RGS7: variants seen among roughly 807,000 people sequenced by gnomAD.
RGS7 encodes the protein regulator of G protein signaling 7, also known as regulator of G-protein signaling 7.
A neutral mutation model predicts 81.1 loss-of-function variants in RGS7; 27 were observed. The observed-to-expected ratio is 0.33, with a 90% CI of 0.25 to 0.46. The LOEUF (loss-of-function observed/expected upper bound fraction) is 0.46, where lower values mean the gene tolerates loss of function less well. Ranked by LOEUF, RGS7 falls within the 20% of genes least tolerant of loss-of-function variation. The pLI, the probability that RGS7 is intolerant of heterozygous loss-of-function variation, is 1.00. For synonymous variants in RGS7, 208 were observed against 207.7 expected (o/e 1.00, Z -0.01); for missense variants, 396 against 607.4 (o/e 0.65, Z 3.66).
chr1:240,931,703 A>G (rs2148348558), intron 5 of RGS7, among the ~76,000 whole-genome samples: 1 of 152,286 alleles, frequency 6.6e-6, no homozygotes, highest in Admixed American at 6.5e-5. Context: ...TTTTTAAAGG[A>G]ATAGTGTCTT....
intron 18 of RGS7, among the ~76,000 whole-genome samples, chr1:240,784,570 C>T (rs974348593): frequency 6.6e-6 from 1 of 151,522 alleles, no homozygotes; most frequent in African/African-American, 2.4e-5. Flanking sequence ...GGCGTGAACC[C>T]GGGAGGCGGA....
At chr1:241,292,225 A>G (rs546278016) in intron 2 of RGS7, among the ~76,000 whole-genome samples, 67 of 152,346 alleles carry the variant, frequency 4.4e-4, no homozygotes, top group Non-Finnish European at 8.1e-4. Flanking sequence ...TTCTACTTAC[A>G]TAAGTAAAAA....
chr1:241,106,782 A>ACACACACACACACACACACACG (rs2065146899), intron 2 of RGS7, among the ~76,000 whole-genome samples: 1 of 149,682 alleles, frequency 6.7e-6, no homozygotes, highest in African/African-American at 2.5e-5. Context: ...ACACACACAC[A>ACACACACACACACACACACACG]CGATAACATA....
intron 9 of RGS7, among the ~76,000 whole-genome samples, chr1:240,845,550 G>A (rs1379033530): frequency 1.3e-5 from 2 of 152,118 alleles, no homozygotes; most frequent in Non-Finnish European, 1.5e-5. Flanking sequence ...CATCATTAGG[G>A]ATTTGACTCT....
At chr1:240,816,284 A>G (rs1295580750) in intron 11 of RGS7, 33 bp downstream of exon 11, 1 of 1,369,966 alleles carries the variant, frequency 7.3e-7, no homozygotes, top group South Asian at 1.2e-5. Flanking sequence ...TACTCTGTAA[A>G]CCTTTAACAG....
intron 3 of RGS7, among the ~76,000 whole-genome samples, chr1:241,055,514 T>C (rs1199128112): frequency 6.6e-6 from 1 of 151,840 alleles, no homozygotes; most frequent in African/African-American, 2.4e-5. Context: ...GGAAACACTT[T>C]CACTTATGGT....
chr1:241,243,110 C>T (rs537585688), intron 2 of RGS7, among the ~76,000 whole-genome samples: 5 of 152,260 alleles, frequency 3.3e-5, no homozygotes, highest in South Asian at 2.1e-4. Context: ...TTCTCTAGAA[C>T]GTGAATTAAC....
At chr1:241,178,170 T>G (rs1016466963) in intron 2 of RGS7, among the ~76,000 whole-genome samples, 1 of 152,042 alleles carries the variant, frequency 6.6e-6, no homozygotes, top group Non-Finnish European at 1.5e-5. Flanking sequence ...CAGGCATCTG[T>G]AGTCCCAGCT....
At chr1:240,846,771 T>G (rs1300255964) in intron 9 of RGS7, among the ~76,000 whole-genome samples, 2 of 152,176 alleles carry the variant, frequency 1.3e-5, no homozygotes, top group Non-Finnish European at 2.9e-5. Context: ...ACATGAGGTT[T>G]TGACATGGGG....
chr1:241,208,417 C>T (rs2074052854), intron 2 of RGS7, among the ~76,000 whole-genome samples: 1 of 152,092 alleles, frequency 6.6e-6, no homozygotes, highest in Non-Finnish European at 1.5e-5. Context: ...GGGAAAACGG[C>T]AGCAATTCTG....
intron 2 of RGS7, among the ~76,000 whole-genome samples, chr1:241,123,512 A>G (rs910772759): frequency 2.0e-5 from 3 of 152,238 alleles, no homozygotes; most frequent in African/African-American, 4.8e-5. Flanking sequence ...GCACTTTGGG[A>G]TGCCAAGGCG....
chr1:240,972,842 G>A lies in RGS7; in HGVS notation c.226+10237C>T, dbSNP rs550298940. Among the ~76,000 whole-genome samples the A allele has an allele frequency of 2.2e-3, 209 of 96,390 alleles. 1 individual carries two copies. Among genetic ancestry groups the A allele is most frequent in the African/African-American group, 8.1e-3 (198 of 24,386 alleles). 63.2% of individuals were successfully genotyped at this position (96,390 alleles called of 152,430 possible). A position where few individuals can be genotyped will look rare whatever the true frequency, so the allele number is the denominator to read the frequency against. The stretch of plus-strand genomic sequence containing the variant: ...TGAGGCCAGCCTGGGCAACAACCCC[G>A]CCTCTCAAAAAAAAAAAAAAAAAAA... On this transcript the variant is annotated intron_variant, in intron 4 of 18. Coordinates refer to ENST00000440928, the MANE Select transcript of RGS7 (RefSeq NM_001364886.1).
intron 4 of RGS7, among the ~76,000 whole-genome samples, chr1:240,941,824 G>T (rs937744157): frequency 2.0e-5 from 3 of 150,984 alleles, no homozygotes; most frequent in Admixed American, 6.6e-5. Context: ...ACAAAGTGTT[G>T]AAAGAGTTTA....
chr1:241,202,596 TG>T (rs1307915613), intron 2 of RGS7, among the ~76,000 whole-genome samples: 3 of 152,108 alleles, frequency 2.0e-5, no homozygotes, highest in African/African-American at 7.2e-5. Flanking sequence ...ACAGACTGAG[TG>T]GGGAAGCTCA....
intron 2 of RGS7, among the ~76,000 whole-genome samples, chr1:241,268,059 T>G (rs1254451780): frequency 6.6e-6 from 1 of 152,196 alleles, no homozygotes; most frequent in Non-Finnish European, 1.5e-5. Context: ...TTGAGCACAC[T>G]AGGGGTCTTG....
At chr1:241,282,832 T>C (rs1215451320) in intron 2 of RGS7, among the ~76,000 whole-genome samples, 2 of 152,218 alleles carry the variant, frequency 1.3e-5, no homozygotes, top group African/African-American at 2.4e-5. Context: ...TCACGAGCTT[T>C]TTCCTCTTTA....
At chr1:241,178,052 C>A (rs56126962) in intron 2 of RGS7, among the ~76,000 whole-genome samples, 34,136 of 151,996 alleles carry the variant, frequency 0.22, 4,260 homozygotes, top group African/African-American at 0.33. Context: ...TTTGGAAGGC[C>A]AAGGCAGGAG....
chr1:240,983,168 C>G, intron 3 of RGS7, 39 bp from the exon 4 acceptor site: 1 of 1,186,622 alleles, frequency 8.4e-7, no homozygotes, highest in African/African-American at 1.5e-5. Flanking sequence ...CAGATGTGAA[C>G]ATTTTGTTTA....
At chr1:240,956,883 CA>C (rs751384456) in intron 4 of RGS7, among the ~76,000 whole-genome samples, 9 of 151,866 alleles carry the variant, frequency 5.9e-5, no homozygotes, top group Non-Finnish European at 1.0e-4. Flanking sequence ...AATCCTAATT[CA>C]GGGGCATTTT....
Sources: allele counts gnomAD v4.1 joint callset (sites outside exome capture counted in the v4.1 genomes callset), GRCh38; gene constraint gnomAD v4.1.1; transcripts MANE v1.5; gene names NCBI Gene and HGNC (gene_info 2026-07-23, HGNC 2026-07-21).